The following MAGI2 variants were observed in gnomAD, a reference collection of about 807,000 sequenced individuals.
The protein encoded by MAGI2 is membrane associated guanylate kinase, WW and PDZ domain containing 2.
Under a neutral mutation model 133.3 loss-of-function variants are expected in MAGI2, and 35 were observed. The ratio of observed to expected loss-of-function variants is 0.26; its 90% CI spans 0.20 to 0.35. MAGI2 has a LOEUF of 0.35. MAGI2 is among the 10% of genes least tolerant of loss of function. The pLI is 1.00. For synonymous variants in MAGI2, 729 were observed against 710.6 expected (o/e 1.03, Z -0.41); for missense variants, 1,636 against 1,863.4 (o/e 0.88, Z 2.25).
intron 9 of MAGI2, among the ~76,000 whole-genome samples, chr7:78,295,060 A>T (rs1797095325): frequency 6.6e-6 from 1 of 152,156 alleles, no homozygotes; most frequent in African/African-American, 2.4e-5. Flanking sequence ...AATGAGCCTC[A>T]TCTTACCTTG....
chr7:78,437,094 A>G (rs1800368382), intron 6 of MAGI2, among the ~76,000 whole-genome samples: 1 of 152,160 alleles, frequency 6.6e-6, no homozygotes, highest in South Asian at 2.1e-4. Flanking sequence ...ATTCCCTATC[A>G]TAATGGAAAT....
intron 9 of MAGI2, among the ~76,000 whole-genome samples, chr7:78,284,396 T>A (rs1465120406): frequency 6.6e-6 from 1 of 152,048 alleles, no homozygotes; most frequent in Non-Finnish European, 1.5e-5. Context: ...CACTCCTCTC[T>A]GCTTCACCTA....
intron 9 of MAGI2, among the ~76,000 whole-genome samples, chr7:78,301,795 A>G (rs1235266369): frequency 6.6e-6 from 1 of 152,188 alleles, no homozygotes; most frequent in East Asian, 1.9e-4. Context: ...GTACATATAG[A>G]GTATGTGCTT....
At chr7:78,958,106 C>T (rs952402844) in intron 2 of MAGI2, among the ~76,000 whole-genome samples, 1 of 152,162 alleles carries the variant, frequency 6.6e-6, no homozygotes, top group Non-Finnish European at 1.5e-5. Context: ...CAGCAGTTCA[C>T]AGTGTGTTAT....
intron 1 of MAGI2, among the ~76,000 whole-genome samples, chr7:79,136,095 AAGAAAG>A (rs1357703568): frequency 6.6e-6 from 1 of 150,638 alleles, no homozygotes; most frequent in African/African-American, 2.4e-5. Context: ...GAAAGAAAGA[AAGAAAG>A]AAAGAAAGAA....
At position 78,799,561 on chromosome 7, in the gene MAGI2, A is replaced by T. The variant is rs79592751; in HGVS notation, c.419-172322T>A. Among the ~76,000 whole-genome samples, 746 of 152,236 alleles carry T rather than the reference A, an allele frequency of 4.9e-3. 8 individuals are homozygous for T. Among genetic ancestry groups the T allele is most frequent in the African/African-American group, 0.017 (712 of 41,556 alleles). ...TTAATCCATGTGGCCAAGGATATAG[A>T]TTTGTTCCACTTGGGACCCTCTTCT... On this transcript the variant is annotated intron_variant, in intron 2 of 21. Transcript: ENST00000354212.
chr7:78,284,226 TG>T lies in MAGI2; in HGVS notation c.1409-27646del, dbSNP rs147438123. On this transcript the variant is annotated intron_variant, in intron 9 of 21. Transcript: ENST00000354212. ...TGGCTTAAACCTTCCCCTAGGCAAA[TG>T]TTTTTTTAAGAACCAGTTTCTAGTT... 1.8e-3 allele frequency among the ~76,000 whole-genome samples: 270 copies of T among 152,184 alleles called. 1 individual carries two copies. Among genetic ancestry groups the T allele is most frequent in the East Asian group, 0.012 (62 of 5,168 alleles).
At chr7:78,107,561 T>C (rs114616216) in intron 20 of MAGI2, among the ~76,000 whole-genome samples, 14,850 of 152,138 alleles carry the variant, frequency 0.098, 795 homozygotes, top group African/African-American at 0.12. Flanking sequence ...CTTTCAGTTC[T>C]TTGGTTAAGT....
At chr7:78,236,159 C>T (rs1356332561) in intron 10 of MAGI2, among the ~76,000 whole-genome samples, 1 of 151,372 alleles carries the variant, frequency 6.6e-6, no homozygotes, top group African/African-American at 2.4e-5. Flanking sequence ...TCCATAAGAA[C>T]AAGAACTTAT....
intron 3 of MAGI2, among the ~76,000 whole-genome samples, chr7:78,558,675 T>C (rs1326130635): frequency 1.3e-5 from 2 of 152,090 alleles, no homozygotes; most frequent in Non-Finnish European, 2.9e-5. Context: ...GTCCTTATAA[T>C]CACCTAAGAG....
At chr7:78,808,544 C>T (rs1467809597) in intron 2 of MAGI2, among the ~76,000 whole-genome samples, 1 of 152,236 alleles carries the variant, frequency 6.6e-6, no homozygotes, top group African/African-American at 2.4e-5. Context: ...GCGTGAGCCA[C>T]TGCGCCCAGC....
At chr7:78,627,307 A>G in intron 2 of MAGI2, 68 bp from the exon 3 acceptor site, 1 of 1,335,788 alleles carries the variant, frequency 7.5e-7, no homozygotes, top group Non-Finnish European at 9.8e-7. Context: ...TAGAAATACC[A>G]CCATACTTCT....
chr7:79,209,215 T>C (rs750814272), intron 1 of MAGI2, among the ~76,000 whole-genome samples: 21 of 152,046 alleles, frequency 1.4e-4, no homozygotes, highest in Non-Finnish European at 2.5e-4. Context: ...ATAATGAATA[T>C]GTTAATTAGC....
At chr7:78,028,945 C>T (rs1563022371) in intron 21 of MAGI2, among the ~76,000 whole-genome samples, 1 of 151,806 alleles carries the variant, frequency 6.6e-6, no homozygotes. Flanking sequence ...TTGCCAGGAC[C>T]ACTAAGCTAG....
intron 1 of MAGI2, among the ~76,000 whole-genome samples, chr7:79,329,794 A>G (rs1839935759): frequency 6.6e-6 from 1 of 152,208 alleles, no homozygotes. Flanking sequence ...TATATCAAAT[A>G]TTAATAGTTT....
intron 2 of MAGI2, among the ~76,000 whole-genome samples, chr7:78,769,802 C>T (rs1825398085): frequency 6.6e-6 from 1 of 152,174 alleles, no homozygotes; most frequent in South Asian, 2.1e-4. Flanking sequence ...AAATGTGATT[C>T]CCTCAGCTCC....
At chr7:79,417,993 CAT>C (rs1846659226) in intron 1 of MAGI2, among the ~76,000 whole-genome samples, 1 of 151,982 alleles carries the variant, frequency 6.6e-6, no homozygotes, top group African/African-American at 2.4e-5. Flanking sequence ...ATTTACCTCA[CAT>C]ATTTTTTTCA....
At chr7:78,937,382 T>C (rs974759234) in intron 2 of MAGI2, among the ~76,000 whole-genome samples, 4 of 152,064 alleles carry the variant, frequency 2.6e-5, no homozygotes, top group Non-Finnish European at 4.4e-5. Flanking sequence ...AGACAAATGA[T>C]AGAAACAGAA....
intron 2 of MAGI2, among the ~76,000 whole-genome samples, chr7:78,702,406 T>G (rs1818170965): frequency 6.6e-6 from 1 of 151,984 alleles, no homozygotes; most frequent in Non-Finnish European, 1.5e-5. Context: ...CTTCTTGATT[T>G]ACTTAATTGA....
Sources: allele counts gnomAD v4.1 joint callset (sites outside exome capture counted in the v4.1 genomes callset), GRCh38; gene constraint gnomAD v4.1.1; transcripts MANE v1.5; gene names NCBI Gene and HGNC (gene_info 2026-07-23, HGNC 2026-07-21).